Variants in EIF5B observed in about 807,000 individuals in gnomAD.
EIF5B encodes eukaryotic translation initiation factor 5B.
Under a neutral mutation model 147.5 loss-of-function variants are expected in EIF5B, and 47 were observed. The observed-to-expected ratio is 0.32, with a 90% CI of 0.25 to 0.41. The LOEUF (loss-of-function observed/expected upper bound fraction) is 0.41, where lower values mean the gene tolerates loss of function less well. Among genes scored for constraint, EIF5B ranks in the 10% least tolerant of loss-of-function variants. The pLI, the probability that EIF5B is intolerant of heterozygous loss-of-function variation, is 1.00. For missense variants in EIF5B, 1,064 were observed against 1,413.2 expected (o/e 0.75, Z 3.96); for synonymous variants, 455 against 456.2 (o/e 1.00, Z 0.03).
intron 13 of EIF5B, 69 bp from the exon 14 acceptor site, chr2:99,382,711 T>A (rs1050550507): frequency 3.5e-5 from 51 of 1,437,280 alleles, no homozygotes; most frequent in Admixed American, 1.8e-4. Context: ...TACAGAGAAG[T>A]TTAAAAGTTT....
intron 20 of EIF5B, 61 bp downstream of exon 20, chr2:99,394,646 A>G (rs1402196352): frequency 7.4e-6 from 12 of 1,611,650 alleles, no homozygotes; most frequent in South Asian, 1.1e-5. Flanking sequence ...AAACTGTCCT[A>G]TCTTAAAAAA....
chr2:99,342,291 T>C (rs1034474460), intron 1 of EIF5B, among the ~76,000 whole-genome samples: 11 of 152,168 alleles, frequency 7.2e-5, no homozygotes, highest in Non-Finnish European at 1.2e-4. Flanking sequence ...TTGATTTCAA[T>C]TGGGAGTCCA....
At chr2:99,366,673 C>G (rs971415334) in intron 6 of EIF5B, among the ~76,000 whole-genome samples, 1 of 152,156 alleles carries the variant, frequency 6.6e-6, no homozygotes, top group African/African-American at 2.4e-5. Flanking sequence ...ATCCAGTAAT[C>G]TGTAGATTCA....
intron 9 of EIF5B, among the ~76,000 whole-genome samples, chr2:99,372,020 C>A (rs1674461369): frequency 6.6e-6 from 1 of 152,114 alleles, no homozygotes. Flanking sequence ...AGCTGACCTA[C>A]AAAAAGCACT....
rs750582274 is a variant in EIF5B at position 99,390,714 on chromosome 2, A to T, written c.2748+9A>T. 6.3e-7 allele frequency: 1 copy of T among 1,594,434 alleles called. No individual in the cohort carries two copies. The highest frequency in any genetic ancestry group is 1.7e-5 in the Admixed American group (1 of 59,446). On this transcript the variant is annotated intron_variant, in intron 17 of 23. Coordinates refer to ENST00000289371, the MANE Select transcript of EIF5B (RefSeq NM_015904.4). ...AGGAATTACGAGTGAAGGTATGCTG[A>T]GGTGGGAAGCATTGACACGTGGGGA... is the stretch of plus-strand genomic sequence containing the variant.
intron 14 of EIF5B, among the ~76,000 whole-genome samples, chr2:99,383,792 A>AGAT (rs1459330119): frequency 6.6e-6 from 1 of 152,218 alleles, no homozygotes; most frequent in Non-Finnish European, 1.5e-5. Flanking sequence ...TATTGGCAAA[A>AGAT]GATGCCATCT....
At chr2:99,352,716 A>G (rs76361441) in intron 1 of EIF5B, among the ~76,000 whole-genome samples, 163 of 151,544 alleles carry the variant, frequency 1.1e-3, no homozygotes, top group Admixed American at 1.7e-3. Context: ...CCTGGCCTCA[A>G]GTGATCCACC....
At chr2:99,359,481 T>C (rs1053283269) in intron 1 of EIF5B, among the ~76,000 whole-genome samples, 3 of 152,242 alleles carry the variant, frequency 2.0e-5, no homozygotes, top group African/African-American at 7.2e-5. Flanking sequence ...GCCATTCATT[T>C]GGATTCATCT....
At chr2:99,372,420 C>A (rs770377214) in intron 9 of EIF5B, among the ~76,000 whole-genome samples, 1 of 152,194 alleles carries the variant, frequency 6.6e-6, no homozygotes, top group Non-Finnish European at 1.5e-5. Flanking sequence ...CTCACAACAA[C>A]CTCCACCTCC....
intron 1 of EIF5B, among the ~76,000 whole-genome samples, chr2:99,353,468 A>G (rs1674021971): frequency 6.6e-6 from 1 of 152,188 alleles, no homozygotes; most frequent in African/African-American, 2.4e-5. Flanking sequence ...CATTACACAG[A>G]TAATGACATT....
At position 99,337,444 on chromosome 2, in the gene EIF5B, G is replaced by A; in HGVS notation, c.-111G>A. ...GTCTGTGGAGAGCCGGGTGCGAGCG[G>A]CGGCAGCACGAGGGGAAAAGAGCTG... On this transcript the variant is annotated 5_prime_UTR_variant, in exon 1 of 24. Coordinates refer to ENST00000289371, the MANE Select transcript of EIF5B (RefSeq NM_015904.4). The A allele has an allele frequency of 7.2e-7, 1 of 1,390,374 alleles. No homozygotes were observed. The highest frequency in any genetic ancestry group is 1.0e-6 in the Non-Finnish European group (1 of 1,000,570). 86.1% of individuals were successfully genotyped at this position (1,390,374 alleles called of 1,614,324 possible).
chr2:99,392,010 C>T (rs1358426906), intron 17 of EIF5B, among the ~76,000 whole-genome samples: 1 of 151,158 alleles, frequency 6.6e-6, no homozygotes, highest in Non-Finnish European at 1.5e-5. Context: ...AGGCATGAGC[C>T]ACCATGCCTG....
At chr2:99,343,967 G>C (rs1452304457) in intron 1 of EIF5B, among the ~76,000 whole-genome samples, 1 of 151,124 alleles carries the variant, frequency 6.6e-6, no homozygotes, top group Non-Finnish European at 1.5e-5. Flanking sequence ...CGCCTAGGCT[G>C]GAGTGCAGTG....
intron 14 of EIF5B, among the ~76,000 whole-genome samples, chr2:99,384,366 C>T (rs537596344): frequency 1.7e-4 from 26 of 152,296 alleles, no homozygotes; most frequent in South Asian, 4.1e-4. Flanking sequence ...TGCTTGCTAA[C>T]AGTGTACCTG....
chr2:99,377,421 G>T lies in EIF5B; in HGVS notation c.1842+785G>T, dbSNP rs553912847. On this transcript the variant is annotated intron_variant, in intron 10 of 23. Coordinates refer to ENST00000289371, the MANE Select transcript of EIF5B (RefSeq NM_015904.4). ...TTTGGGGGCCAGATAATTCTTTGTT[G>T]TTGGGGACAGGGACTGTTCTCTTCC... 4.0e-5 allele frequency among the ~76,000 whole-genome samples: 6 copies of T among 151,402 alleles called. No individual in the cohort carries two copies. In the South Asian group the frequency reaches 1.3e-3, roughly 32 times the overall value.
In EIF5B at chr2:99,382,218, A is replaced by C; in HGVS notation, c.2121A>C (p.Glu707Asp). 4.3e-6 allele frequency: 7 copies of C among 1,613,046 alleles called. No individual in the cohort carries two copies. The highest frequency in any genetic ancestry group is 5.9e-6 in the Non-Finnish European group (7 of 1,179,398). The change falls in exon 13 of 24, where the codon GAA (glutamate) becomes GAC (aspartate). Residue 707 changes from glutamate (E) to aspartate (D), a missense_variant. By Grantham distance (45) the Glu-to-Asp change is conservative. This residue lies in a region of EIF5B where 380 missense variants were observed against 715.6 expected (regional missense o/e 0.53). Coordinates refer to ENST00000289371, the MANE Select transcript of EIF5B (RefSeq NM_015904.4). Reference protein sequence around the residue: ...GMLIIDTPGHESFSNLRNRGS... With the variant: ...GMLIIDTPGHDSFSNLRNRGS... ...TAATTATTGATACTCCTGGGCATGA[A>C]TCTTTCAGGTAAGAGCAATTTGAGT...
In EIF5B at chr2:99,379,313, C is replaced by T. The variant is rs780224078; in HGVS notation, c.1951-5C>T. 7 of 1,606,010 alleles carry T rather than the reference C, an allele frequency of 4.4e-6. No individual in the cohort carries two copies. Among genetic ancestry groups the T allele is most frequent in the East Asian group, 4.5e-5 (2 of 44,842 alleles). ...TACCAATCTGTATTTGCTGTCTTCT[C>T]ATAGCTCCGTCACACACATGTACAA... On this transcript the variant is annotated splice_region_variant and splice_polypyrimidine_tract_variant and intron_variant, in intron 11 of 23. Transcript: ENST00000289371.
At chr2:99,389,952 T>G (rs1674888704) in intron 15 of EIF5B, 103 bp downstream of exon 15, 2 of 1,413,310 alleles carry the variant, frequency 1.4e-6, no homozygotes, top group East Asian at 4.6e-5. Context: ...TCTTTTCCTC[T>G]GTTGACAGCA....
chr2:99,390,841 A>T (rs1419020323), intron 17 of EIF5B, 136 bp downstream of exon 17: 1 of 962,096 alleles, frequency 1.0e-6, no homozygotes, highest in African/African-American at 1.6e-5. Flanking sequence ...CTTTTATTTT[A>T]GTTGTCATCA....
Sources: gnomAD v4.1 joint callset for allele counts (sites outside exome capture counted in the v4.1 genomes callset) on GRCh38, gnomAD v4.1.1 for gene constraint, gnomAD v4.1.1 regional missense constraint, MANE v1.5 for transcripts, NCBI Gene and HGNC (gene_info 2026-07-23, HGNC 2026-07-21) for gene names.